EYA4: variants seen among roughly 807,000 people sequenced by gnomAD.
EYA4 encodes the protein protein phosphatase EYA4.
A neutral mutation model predicts 87.9 loss-of-function variants in EYA4; 31 were observed. That is an observed-to-expected ratio of 0.35 (90% CI 0.27 to 0.48). EYA4 has a LOEUF of 0.48. Among genes scored for constraint, EYA4 ranks in the 20% least tolerant of loss-of-function variants. The pLI is 0.99. For missense variants in EYA4, 678 were observed against 761.4 expected, an observed-to-expected ratio of 0.89 and a Z score of 1.29; for synonymous variants, 263 against 270.6, an observed-to-expected ratio of 0.97 and a Z score of 0.28.
intron 2 of EYA4, among the ~76,000 whole-genome samples, chr6:133,288,908 A>G (rs1778272301): frequency 6.6e-6 from 1 of 152,144 alleles, no homozygotes; most frequent in South Asian, 2.1e-4. Flanking sequence ...TCATTTCTTG[A>G]CCAGAAGGTT....
intron 13 of EYA4, among the ~76,000 whole-genome samples, chr6:133,504,197 C>T (rs1583485939): frequency 6.6e-6 from 1 of 152,166 alleles, no homozygotes; most frequent in Admixed American, 6.6e-5. Flanking sequence ...GGAACACAGG[C>T]GTGAGCCACT....
At chr6:133,495,582 A>T (rs997182612) in intron 13 of EYA4, among the ~76,000 whole-genome samples, 4 of 151,750 alleles carry the variant, frequency 2.6e-5, no homozygotes, top group Middle Eastern at 3.5e-3. Flanking sequence ...GCTGTTGGGG[A>T]GTTTTAGGTT....
chr6:133,363,691 G>A (rs993582404), intron 2 of EYA4, among the ~76,000 whole-genome samples: 1 of 152,004 alleles, frequency 6.6e-6, no homozygotes, highest in African/African-American at 2.4e-5. Flanking sequence ...TAGCCAGGAT[G>A]GTCTGGATCT....
intron 2 of EYA4, among the ~76,000 whole-genome samples, chr6:133,317,003 CAT>C (rs1429964173): frequency 6.6e-6 from 1 of 152,132 alleles, no homozygotes; most frequent in Non-Finnish European, 1.5e-5. Context: ...ATTGAGGCCT[CAT>C]GTGAATTCTT....
At chr6:133,409,951 TC>T (rs896169291) in intron 3 of EYA4, among the ~76,000 whole-genome samples, 1 of 151,780 alleles carries the variant, frequency 6.6e-6, no homozygotes, top group African/African-American at 2.4e-5. Flanking sequence ...ATATATGTCC[TC>T]CCCCCATATA....
intron 2 of EYA4, among the ~76,000 whole-genome samples, chr6:133,344,205 G>A (rs1562311611): frequency 6.6e-6 from 1 of 152,134 alleles, no homozygotes; most frequent in Non-Finnish European, 1.5e-5. Context: ...GGAAGAGATC[G>A]GGAGACCCAA....
chr6:133,412,492 T>A (rs1789327330), intron 3 of EYA4, among the ~76,000 whole-genome samples: 1 of 152,208 alleles, frequency 6.6e-6, no homozygotes, highest in South Asian at 2.1e-4. Context: ...TGTTCTACTT[T>A]GTATAAATGG....
intron 2 of EYA4, among the ~76,000 whole-genome samples, chr6:133,328,103 G>A (rs1781646494): frequency 6.6e-6 from 1 of 152,156 alleles, no homozygotes; most frequent in Non-Finnish European, 1.5e-5. Flanking sequence ...ACTACCTGAT[G>A]TTAAAGCCTA....
chr6:133,380,473 C>T (rs1283888357), intron 2 of EYA4, among the ~76,000 whole-genome samples: 2 of 152,102 alleles, frequency 1.3e-5, no homozygotes, highest in African/African-American at 4.8e-5. Flanking sequence ...TGATAGGAAG[C>T]TTGTCTGTCT....
chr6:133,490,381 A>AT (rs754579805), intron 13 of EYA4, among the ~76,000 whole-genome samples: 324 of 146,542 alleles, frequency 2.2e-3, no homozygotes, highest in Non-Finnish European at 3.9e-3. Context: ...GGCTGAATAG[A>AT]TTAAAAAAAA....
At chr6:133,329,773 G>A (rs2785238) in intron 2 of EYA4, among the ~76,000 whole-genome samples, 66,525 of 151,868 alleles carry the variant, frequency 0.44, 15,282 homozygotes, top group Non-Finnish European at 0.53. Flanking sequence ...TGTTGTAGTA[G>A]TGTACAATAT....
chr6:133,371,912 C>T (rs1477707673), intron 2 of EYA4, among the ~76,000 whole-genome samples: 1 of 152,112 alleles, frequency 6.6e-6, no homozygotes, highest in East Asian at 1.9e-4. Flanking sequence ...GTGAGTATAT[C>T]TCAATTATTT....
intron 3 of EYA4, among the ~76,000 whole-genome samples, chr6:133,430,911 A>G (rs1349156069): frequency 6.6e-6 from 1 of 152,170 alleles, no homozygotes; most frequent in East Asian, 1.9e-4. Flanking sequence ...AGATAATGGG[A>G]TAGTAGGCAA....
intron 2 of EYA4, among the ~76,000 whole-genome samples, chr6:133,276,824 A>G (rs2128273667): frequency 6.6e-6 from 1 of 152,174 alleles, no homozygotes; most frequent in Admixed American, 6.5e-5. Context: ...TCTGACTCCA[A>G]GTCCAAAGCT....
At chr6:133,319,630 G>A (rs17302199) in intron 2 of EYA4, among the ~76,000 whole-genome samples, 66,342 of 150,872 alleles carry the variant, frequency 0.44, 15,216 homozygotes, top group Non-Finnish European at 0.53. Flanking sequence ...CCATGTTCTC[G>A]CTTAAAAAAA....
intron 3 of EYA4, among the ~76,000 whole-genome samples, chr6:133,436,875 G>A (rs79573957): frequency 0.022 from 3,399 of 152,216 alleles, 118 homozygotes; most frequent in African/African-American, 0.078. Flanking sequence ...ACCAGGATCT[G>A]TACAGAATAA....
intron 3 of EYA4, among the ~76,000 whole-genome samples, chr6:133,399,378 A>G (rs775248676): frequency 5.3e-5 from 8 of 152,162 alleles, no homozygotes; most frequent in African/African-American, 9.7e-5. Flanking sequence ...ACTGATACAC[A>G]GTATTATTCA....
At chr6:133,263,100 A>G (rs1775928018) in intron 1 of EYA4, among the ~76,000 whole-genome samples, 1 of 152,180 alleles carries the variant, frequency 6.6e-6, no homozygotes, top group South Asian at 2.1e-4. Flanking sequence ...AGACCCAGTA[A>G]TGAAATTTGG....
At position 133,314,587 on chromosome 6, in the gene EYA4, A is replaced by T. The variant is rs184993200; in HGVS notation, c.33+39774A>T. Among the ~76,000 whole-genome samples, 16 of 152,274 alleles carry T rather than the reference A, an allele frequency of 1.1e-4. No individual in the cohort carries two copies. The East Asian group carries it at 3.1e-3, about 29-fold the overall frequency. Reference sequence around the variant, plus strand: ...GCATTAATTCTCCAACATGGTAATAAAACATGTTTTTCCTTCAGGTACACT... The same window carrying T: ...GCATTAATTCTCCAACATGGTAATATAACATGTTTTTCCTTCAGGTACACT... On this transcript the variant is annotated intron_variant, in intron 2 of 19. Transcript: ENST00000355286.
Sources: gnomAD v4.1 joint callset for allele counts (sites outside exome capture counted in the v4.1 genomes callset) on GRCh38, gnomAD v4.1.1 for gene constraint, MANE v1.5 for transcripts, NCBI Gene and HGNC (gene_info 2026-07-23, HGNC 2026-07-21) for gene names.